The following DRAM1 variants were observed in gnomAD, a reference collection of about 807,000 sequenced individuals.
DRAM1 encodes the protein DNA damage-regulated autophagy modulator protein 1.
In DRAM1, 25 loss-of-function variants were observed where a neutral mutation model predicts 28.5. That is an observed-to-expected ratio of 0.88 (90% CI 0.64 to 1.23). The LOEUF is 1.23. Among genes scored for constraint, DRAM1 ranks in the 50% most tolerant of loss-of-function variants. DRAM1 has a pLI of 0.00. For missense variants in DRAM1, 249 were observed against 299.2 expected, an observed-to-expected ratio of 0.83 and a Z score of 1.24; for synonymous variants, 113 against 114.2, an observed-to-expected ratio of 0.99 and a Z score of 0.07.
rs1426585784 is a variant in DRAM1, at chr12:101,922,048, A to G, written c.*788A>G. 6.6e-6 allele frequency: 1 copy of G among 152,220 alleles called. No homozygotes were observed. The highest frequency in any genetic ancestry group is 1.5e-5 in the Non-Finnish European group (1 of 68,040). 9.4% of individuals were successfully genotyped at this position (152,220 alleles called of 1,614,324 possible). ...TTTATTGTTGCTGGCACAACTTGAT[A>G]TATAGTCTGACTCAGAACTGAAGCT... is the stretch of plus-strand genomic sequence containing the variant. On this transcript the variant is annotated 3_prime_UTR_variant, in exon 7 of 7. Coordinates refer to ENST00000258534, the MANE Select transcript of DRAM1 (RefSeq NM_018370.3).
At chr12:101,878,996 AT>A (rs112073337) in intron 1 of DRAM1, among the ~76,000 whole-genome samples, 15 of 151,294 alleles carry the variant, frequency 9.9e-5, no homozygotes, top group Non-Finnish European at 1.2e-4. Flanking sequence ...ATTTTTTAAA[AT>A]TTTTTTTATT....
At chr12:101,889,512 AAGGAAAGG>A (rs1371927873) in intron 1 of DRAM1, among the ~76,000 whole-genome samples, 6 of 114,692 alleles carry the variant, frequency 5.2e-5, no homozygotes, top group East Asian at 3.2e-4. Flanking sequence ...GAAAGGAAGG[AAGGAAAGG>A]AAGGAAGGAA....
chr12:101,901,841 T>C (rs1013332963), intron 3 of DRAM1, among the ~76,000 whole-genome samples: 1 of 142,592 alleles, frequency 7.0e-6, no homozygotes, highest in African/African-American at 2.7e-5. Context: ...ATTGTGCCAC[T>C]GCACTTGACA....
At chr12:101,911,590 C>T (rs12315360) in intron 4 of DRAM1, among the ~76,000 whole-genome samples, 13,788 of 152,172 alleles carry the variant, frequency 0.091, 1,228 homozygotes, top group East Asian at 0.24. Context: ...TCCTCCTCCA[C>T]TTTGTCTTGC....
At chr12:101,893,380 G>A (rs1339980293) in intron 1 of DRAM1, among the ~76,000 whole-genome samples, 1 of 152,138 alleles carries the variant, frequency 6.6e-6, no homozygotes, top group African/African-American at 2.4e-5. Flanking sequence ...CGTGTTGAGA[G>A]TATTTTCACC....
intron 5 of DRAM1, among the ~76,000 whole-genome samples, chr12:101,918,063 G>A (rs1056559911): frequency 5.9e-5 from 9 of 152,172 alleles, no homozygotes; most frequent in East Asian, 3.8e-4. Context: ...AAATGACTGC[G>A]CCACTCTTGC....
intron 1 of DRAM1, among the ~76,000 whole-genome samples, chr12:101,893,850 T>C (rs796292959): frequency 3.3e-5 from 5 of 152,108 alleles, no homozygotes; most frequent in African/African-American, 1.2e-4. Flanking sequence ...CTGTATAGTT[T>C]TATTTATTTA....
intron 1 of DRAM1, among the ~76,000 whole-genome samples, chr12:101,879,494 T>C (rs1200625012): frequency 6.6e-6 from 1 of 152,222 alleles, no homozygotes; most frequent in Non-Finnish European, 1.5e-5. Context: ...TTGCCCAGGC[T>C]GGTCTTAAAC....
Position 101,892,238 on chromosome 12 carries a change from T to C in DRAM1, c.132-5625T>C, listed in dbSNP as rs2252431. ...AGAGCTATTTCATTTTTATTTTATT[T>C]TTTATTTTTTTTTTTGAGACAGAGT... On this transcript the variant is annotated intron_variant, in intron 1 of 6. Coordinates refer to ENST00000258534, the MANE Select transcript of DRAM1 (RefSeq NM_018370.3). 8.0e-5 allele frequency among the ~76,000 whole-genome samples: 12 copies of C among 150,478 alleles called. No individual in the cohort carries two copies. The South Asian group carries it at 1.2e-3, about 16-fold the overall frequency.
intron 1 of DRAM1, among the ~76,000 whole-genome samples, chr12:101,894,305 T>C (rs1368387352): frequency 1.3e-5 from 2 of 151,992 alleles, no homozygotes; most frequent in Non-Finnish European, 2.9e-5. Context: ...TTAGTAGAGA[T>C]GGGGTTTCAC....
rs1460404700 is a variant in DRAM1 at position 101,914,202 on chromosome 12, A to G, written c.549A>G (p.Ile183Met). Residue 183 changes from isoleucine (I) to methionine (M), a missense_variant, in exon 5 of 7, where the codon ATA becomes ATG. Ile to Met is a conservative substitution (Grantham distance 10). Transcript: ENST00000258534. ...TTGTCTGTGCTTCACTAATTTCCAT[A>G]ACCAAGCTGGAGTGGAATCCAAGAG... ...PMIVCASLIS[I>M]TKLEWNPREK... is the part of the protein sequence containing the mutation. 1.9e-6 allele frequency: 3 copies of G among 1,609,378 alleles called. No homozygotes were observed. The highest frequency in any genetic ancestry group is 2.5e-6 in the Non-Finnish European group (3 of 1,178,704).
intron 2 of DRAM1, among the ~76,000 whole-genome samples, chr12:101,899,095 A>G (rs1873496669): frequency 6.6e-6 from 1 of 152,192 alleles, no homozygotes; most frequent in Non-Finnish European, 1.5e-5. Context: ...GAGAAGGGAC[A>G]GTGATGCTGA....
intron 3 of DRAM1, among the ~76,000 whole-genome samples, chr12:101,903,864 G>A (rs1234411931): frequency 2.0e-5 from 3 of 151,654 alleles, no homozygotes; most frequent in Admixed American, 6.6e-5. Context: ...AGGAGTTTGA[G>A]ACTAGTCTGG....
chr12:101,903,775 C>T (rs1267207056), intron 3 of DRAM1, among the ~76,000 whole-genome samples: 8 of 151,944 alleles, frequency 5.3e-5, no homozygotes, highest in African/African-American at 1.9e-4. Context: ...TACATCAAAA[C>T]ATCTACAGCC....
chr12:101,898,060 A>T lies in DRAM1; in HGVS notation c.199+130A>T. ...TTTTTTCTGAGACAGGGTCTCTGTC[A>T]TCCAGGCTGGAGTGCAGTGGCGTGA... On this transcript the variant is annotated intron_variant, in intron 2 of 6. Transcript: ENST00000258534. The T allele has an allele frequency of 7.2e-6, 4 of 556,248 alleles. No individual in the cohort carries two copies. In the South Asian group the frequency reaches 1.1e-4, roughly 16 times the overall value. 34.5% of individuals were successfully genotyped at this position (556,248 alleles called of 1,614,324 possible).
chr12:101,898,836 CAGATGTACCT>C (rs1873487124), intron 2 of DRAM1, among the ~76,000 whole-genome samples: 1 of 152,192 alleles, frequency 6.6e-6, no homozygotes, highest in Non-Finnish European at 1.5e-5. Context: ...TTCAGTTCCT[CAGATGTACCT>C]AAGATGCAGA....
chr12:101,920,718 C>T (rs987677199), intron 6 of DRAM1, among the ~76,000 whole-genome samples: 2 of 152,112 alleles, frequency 1.3e-5, no homozygotes, highest in Admixed American at 6.6e-5. Flanking sequence ...TCGAGACCAG[C>T]CTGACCAACA....
chr12:101,887,525 CTT>C (rs369042110), intron 1 of DRAM1, among the ~76,000 whole-genome samples: 70 of 149,502 alleles, frequency 4.7e-4, no homozygotes, highest in African/African-American at 1.6e-3. Flanking sequence ...GTTCTGAAGA[CTT>C]TTTTCTTTTT....
At chr12:101,910,243 T>G (rs946241482) in intron 4 of DRAM1, among the ~76,000 whole-genome samples, 3 of 152,190 alleles carry the variant, frequency 2.0e-5, no homozygotes, top group African/African-American at 2.4e-5. Context: ...GTCTTACTTA[T>G]AGGTTAAAGG....
Sources: gnomAD v4.1 joint callset for allele counts (sites outside exome capture counted in the v4.1 genomes callset) on GRCh38, gnomAD v4.1.1 for gene constraint, MANE v1.5 for transcripts, NCBI Gene and HGNC (gene_info 2026-07-23, HGNC 2026-07-21) for gene names.